PLCH2: variants seen among roughly 807,000 people sequenced by gnomAD.
PLCH2 encodes phospholipase C eta 2.
Under a neutral mutation model 134.7 loss-of-function variants are expected in PLCH2, and 98 were observed. The ratio of observed to expected loss-of-function variants is 0.73; its 90% CI spans 0.62 to 0.86. The LOEUF is 0.86. Among genes scored for constraint, PLCH2 ranks in the 40% least tolerant of loss-of-function variants. PLCH2 has a pLI of 0.00. For synonymous variants in PLCH2, 974 were observed against 827.5 expected (o/e 1.18, Z -3.04); for missense variants, 1,994 against 1,986.6 (o/e 1.00, Z -0.07).
chr1:2,466,586 G>T (rs1196767839), upstream of PLCH2, among the ~76,000 whole-genome samples: 1 of 152,234 alleles, frequency 6.6e-6, no homozygotes, highest in Admixed American at 6.5e-5. Flanking sequence ...CCGGGCCTGC[G>T]TGCCTGCCTG....
exon 1 of PLCH2, chr1:2,467,503 T>C: frequency 2.5e-6 from 1 of 397,068 alleles, no homozygotes; most frequent in Non-Finnish European, 4.4e-6. Context: ...GCGATCGGCA[T>C]GGGCTCTGCG....
Position 2,498,860 on chromosome 1 carries a change from T to C in PLCH2, c.2434+32T>C. 1 of 1,549,424 alleles carries C rather than the reference T, an allele frequency of 6.5e-7. No homozygotes were observed. The highest frequency in any genetic ancestry group is 2.3e-5 in the East Asian group (1 of 43,862). On this transcript the variant is annotated intron_variant, in intron 18 of 21. Transcript: ENST00000378486. This position sits in a 1 kb window ranked among gnomAD's most constrained non-coding sequence, Gnocchi z 5.4. ...CTGGGCCGTGGCTCCGTCACACCTG[T>C]GATGGAAGTCTGAGGGGGGAGGGTT...
intron 2 of PLCH2, among the ~76,000 whole-genome samples, chr1:2,434,296 G>T (rs1570231186): frequency 6.6e-6 from 1 of 152,228 alleles, no homozygotes; most frequent in East Asian, 1.9e-4. Context: ...CTAGAAGGAG[G>T]CAGGACACAC....
chr1:2,499,261 A>G (rs1307156526), intron 19 of PLCH2, 31 bp downstream of exon 19: 1 of 1,609,990 alleles, frequency 6.2e-7, no homozygotes, highest in Non-Finnish European at 8.5e-7. Flanking sequence ...TGCCCCCCAC[A>G]CTGGCCGAGG....
intron 11 of PLCH2, among the ~76,000 whole-genome samples, chr1:2,492,892 T>C (rs1374716698): frequency 1.3e-5 from 2 of 152,052 alleles, no homozygotes; most frequent in African/African-American, 2.4e-5. Flanking sequence ...ATGGGTATCT[T>C]GGGGAGAGAA....
At chr1:2,463,658 C>G (rs1035110434), upstream of PLCH2, among the ~76,000 whole-genome samples, 7 of 152,216 alleles carry the variant, frequency 4.6e-5, no homozygotes, top group African/African-American at 1.2e-4. Context: ...GCCCGCGACC[C>G]GAGAACAGGG....
At position 2,498,874 on chromosome 1, in the gene PLCH2, G is replaced by C. The variant is rs368664444; in HGVS notation, c.2434+46G>C. The C allele has an allele frequency of 2.0e-6, 3 of 1,499,120 alleles. No individual in the cohort carries two copies. The highest frequency in any genetic ancestry group is 2.3e-5 in the South Asian group (2 of 85,526). 92.9% of individuals were successfully genotyped at this position (1,499,120 alleles called of 1,614,324 possible). A position where few individuals can be genotyped will look rare whatever the true frequency, so the allele number is the denominator to read the frequency against. On this transcript the variant is annotated intron_variant, in intron 18 of 21. Coordinates refer to ENST00000378486, the MANE Select transcript of PLCH2 (RefSeq NM_014638.4). This position sits in a 1 kb window ranked among gnomAD's most constrained non-coding sequence, Gnocchi z 5.4. ...CGTCACACCTGTGATGGAAGTCTGA[G>C]GGGGGAGGGTTGGGGCTACCTGGTG...
intron 1 of PLCH2, among the ~76,000 whole-genome samples, chr1:2,427,811 C>T (rs948709801): frequency 2.6e-5 from 4 of 151,990 alleles, no homozygotes; most frequent in Admixed American, 6.5e-5. Context: ...GGGAGCCCTC[C>T]GGGGGTGGGA....
At chr1:2,474,078 G>A (rs1403418276), upstream of PLCH2, among the ~76,000 whole-genome samples, 1 of 152,224 alleles carries the variant, frequency 6.6e-6, no homozygotes, top group African/African-American at 2.4e-5. Flanking sequence ...CCTGGCTCAG[G>A]GCAGGCAGGG....
intron 9 of PLCH2, 39 bp downstream of exon 9, chr1:2,489,417 G>A (rs571500436): frequency 1.2e-6 from 2 of 1,603,374 alleles, no homozygotes; most frequent in Non-Finnish European, 8.5e-7. Flanking sequence ...AGCTCACACA[G>A]AGTCTCGGGC....
upstream of PLCH2, among the ~76,000 whole-genome samples, chr1:2,473,388 C>G (rs992233716): frequency 2.0e-5 from 3 of 152,318 alleles, no homozygotes; most frequent in East Asian, 5.8e-4. Context: ...CCGTGGGGCC[C>G]GCAGAGCCCT....
intron 21 of PLCH2, chr1:2,502,856 T>A (rs1043269968): frequency 1.4e-6 from 1 of 717,160 alleles, no homozygotes; most frequent in South Asian, 1.5e-5. Flanking sequence ...GATGAGTGCC[T>A]TGTTTGCTCA....
At chr1:2,497,471 T>C in intron 15 of PLCH2, 31 bp from the exon 16 acceptor site, 1 of 1,489,532 alleles carries the variant, frequency 6.7e-7, no homozygotes, top group Middle Eastern at 1.7e-4. Context: ...GGTCAGGTGC[T>C]GACCAGGGCA....
chr1:2,436,469 T>TC (rs1415978919), intron 2 of PLCH2, among the ~76,000 whole-genome samples: 23 of 36,250 alleles, frequency 6.3e-4, no homozygotes, highest in African/African-American at 3.7e-3. Flanking sequence ...CCACCTTTCC[T>TC]CCTTCCTCCC....
chr1:2,497,098 T>A (rs1642936950), intron 15 of PLCH2, 88 bp downstream of exon 15: 1 of 1,339,456 alleles, frequency 7.5e-7, no homozygotes, highest in South Asian at 1.3e-5. Flanking sequence ...GGGGACCCGC[T>A]GGGGCCTCGG....
intron 8 of PLCH2, 130 bp from the exon 9 acceptor site, chr1:2,489,077 C>G (rs1330199580): frequency 1.2e-6 from 1 of 805,374 alleles, no homozygotes; most frequent in Non-Finnish European, 2.0e-6. Context: ...GTAATCCCAG[C>G]TATCCTGGGT....
chr1:2,503,604 G>A (rs1229057221), intron 21 of PLCH2: 3 of 541,048 alleles, frequency 5.5e-6, no homozygotes, highest in South Asian at 1.8e-5. Context: ...CCCCACCCAC[G>A]CTGCCTCCGT....
chr1:2,433,227 A>T (rs899241449), intron 2 of PLCH2, among the ~76,000 whole-genome samples: 2 of 152,154 alleles, frequency 1.3e-5, no homozygotes, highest in African/African-American at 4.8e-5. Context: ...GTGTCCGGGG[A>T]GGACCAGTGT....
chr1:2,439,763 C>T lies in PLCH2; in HGVS notation c.115+9134C>T, dbSNP rs548732820. 4.6e-5 allele frequency among the ~76,000 whole-genome samples: 7 copies of T among 152,198 alleles called. No homozygotes were observed. Among genetic ancestry groups the T allele is most frequent in the African/African-American group, 9.6e-5 (4 of 41,534 alleles). ...AGTCCCGGGGTCCGTGGGGAGAGCC[C>T]GTCAGAGTCCAGCTGGATTCTTCTC... On this transcript the variant is annotated intron_variant, in intron 2 of 3. Transcript: ENST00000609981. This position sits in a 1 kb window ranked among gnomAD's most constrained non-coding sequence, Gnocchi z 4.7.
Sources: allele counts gnomAD v4.1 joint callset (sites outside exome capture counted in the v4.1 genomes callset), GRCh38; gene constraint gnomAD v4.1.1; non-coding constraint Gnocchi (gnomAD v3.1); transcripts MANE v1.5; gene names NCBI Gene and HGNC (gene_info 2026-07-23, HGNC 2026-07-21).